AMELY: variants seen among roughly 807,000 people sequenced by gnomAD.
AMELY encodes amelogenin Y-linked.
In AMELY, 4 loss-of-function variants were observed where a neutral mutation model predicts 4.2. The observed-to-expected ratio is 0.96, with a 90% confidence interval of 0.47 to 2.19. The LOEUF is 2.19. Ranked by LOEUF, AMELY falls within the 30% of genes most tolerant of loss-of-function variation. AMELY has a pLI of 0.02. For missense variants in AMELY, 32 were observed against 41.5 expected, an observed-to-expected ratio of 0.77 and a Z score of 0.63; for synonymous variants, 11 against 14.7, an observed-to-expected ratio of 0.75 and a Z score of 0.57.
At chrY:6,885,261 C>A (rs568523496) in intron 1 of AMELY, among the ~76,000 whole-genome samples, 2 of 32,660 alleles carry the variant, frequency 6.1e-5, no homozygotes, top group African/African-American at 2.4e-4. Context: ...GGGCGGATCA[C>A]GAGGTCAGGA....
intron 1 of AMELY, among the ~76,000 whole-genome samples, chrY:6,910,384 C>T (rs762639220): frequency 5.6e-4 from 18 of 31,963 alleles, no homozygotes; most frequent in Non-Finnish European, 1.4e-3. Context: ...GGCCCAGGTT[C>T]CCCTCGCCCA....
At chrY:6,899,729 G>A (rs2054088204) in intron 1 of AMELY, among the ~76,000 whole-genome samples, 1 of 29,635 alleles carries the variant, frequency 3.4e-5, no homozygotes, top group Admixed American at 3.2e-4. Flanking sequence ...ATGAAACTCC[G>A]TCTCAAAAAA....
chrY:6,881,679 T>G, intron 1 of AMELY, among the ~76,000 whole-genome samples: 1 of 33,176 alleles, frequency 3.0e-5, no homozygotes, highest in Non-Finnish European at 7.5e-5. Context: ...ATGACATGAT[T>G]GTATATTTAG....
At chrY:6,884,579 G>T in intron 1 of AMELY, among the ~76,000 whole-genome samples, 13 of 32,525 alleles carry the variant, frequency 4.0e-4, no homozygotes, top group Non-Finnish European at 6.0e-4. Context: ...GTTTTCAAAA[G>T]ACCCATTTTA....
chrY:6,868,391 C>G lies in AMELY; in HGVS notation c.219G>C (p.Gln73His). 2 of 395,594 alleles carry G rather than the reference C, an allele frequency of 5.1e-6. No individual in the cohort carries two copies. The highest frequency in any genetic ancestry group is 7.1e-6 in the Non-Finnish European group (2 of 283,027). ...ACTGCAGGGTGTGAGTCAGGGGGTG[C>G]TGTTGGGACACCACGGGGATGATTT... ...HHQIIPVVSQ[Q>H]HPLTHTLQSH... The change falls in exon 6 of 7, where the codon CAG becomes CAC. Residue 73 changes from glutamine (Q) to histidine (H), a missense_variant. Gln to His is a conservative substitution (Grantham distance 24, BLOSUM62 0). Coordinates refer to ENST00000651267, the MANE Select transcript of AMELY (RefSeq NM_001143.2).
intron 1 of AMELY, among the ~76,000 whole-genome samples, chrY:6,893,586 C>T (rs2054084762): frequency 3.0e-5 from 1 of 32,871 alleles, no homozygotes; most frequent in Admixed American, 2.9e-4. Flanking sequence ...GCTTTGTTTC[C>T]AGAACCTACC....
intron 3 of AMELY, among the ~76,000 whole-genome samples, chrY:6,870,562 T>C: frequency 3.0e-5 from 1 of 33,839 alleles, no homozygotes; most frequent in South Asian, 6.8e-4. Context: ...TGTAAGTATC[T>C]AAGGGATTTC....
At chrY:6,898,909 C>T (rs942698876) in intron 1 of AMELY, among the ~76,000 whole-genome samples, 1 of 34,020 alleles carries the variant, frequency 2.9e-5, no homozygotes, top group Non-Finnish European at 7.3e-5. Context: ...CCACCTCATA[C>T]GTTACTATGA....
At chrY:6,906,355 C>T (rs773244037) in intron 1 of AMELY, among the ~76,000 whole-genome samples, 17 of 33,413 alleles carry the variant, frequency 5.1e-4, no homozygotes, top group African/African-American at 1.8e-3. Flanking sequence ...TGTATATATA[C>T]ACAGAGATGC....
chrY:6,892,171 G>A, intron 1 of AMELY, among the ~76,000 whole-genome samples: 1 of 33,663 alleles, frequency 3.0e-5, no homozygotes, highest in Non-Finnish European at 7.3e-5. Flanking sequence ...AGCAGATTCT[G>A]CAGCATGTGA....
intron 1 of AMELY, among the ~76,000 whole-genome samples, chrY:6,884,557 C>T (rs2054077680): frequency 3.1e-5 from 1 of 32,519 alleles, no homozygotes; most frequent in Non-Finnish European, 7.5e-5. Flanking sequence ...AAGCAAGACC[C>T]AGCAGTATAC....
rs754688390 is a variant in AMELY, at chrY:6,903,943, G to A, written c.-113+7730C>T. ...AATGGTTCCATATTAAGGGCTCAGT[G>A]ATGGTCTCTGCTGCTGGCAAATTGG... is the stretch of plus-strand genomic sequence containing the variant. On this transcript the variant is annotated intron_variant, in intron 1 of 6. Coordinates refer to ENST00000651267, the MANE Select transcript of AMELY (RefSeq NM_001143.2). 1.8e-4 allele frequency among the ~76,000 whole-genome samples: 6 copies of A among 33,889 alleles called. No individual in the cohort carries two copies. The South Asian group carries it at 4.1e-3, about 23-fold the overall frequency. The allele number at this position is 33,889 out of a possible 37,273, so 90.9% of individuals were successfully genotyped here.
At chrY:6,883,368 C>T (rs998508048) in intron 1 of AMELY, among the ~76,000 whole-genome samples, 12 of 32,729 alleles carry the variant, frequency 3.7e-4, no homozygotes, top group Admixed American at 2.3e-3. Flanking sequence ...ATTGCATGTT[C>T]TCACACATAA....
chrY:6,870,203 T>C, intron 3 of AMELY, 150 bp from the exon 4 acceptor site: 1 of 166,906 alleles, frequency 6.0e-6, no homozygotes, highest in Non-Finnish European at 1.1e-5. Context: ...TAGTACAGAA[T>C]ATATTTGAGG....
At chrY:6,910,745 G>T (rs2011684103) in intron 1 of AMELY, 3 of 55,483 alleles carry the variant, frequency 5.4e-5, no homozygotes, top group African/African-American at 1.1e-4. Context: ...CTCCGCTGCT[G>T]CCGCCACCGC....
chrY:6,905,553 TTTC>T, intron 1 of AMELY, among the ~76,000 whole-genome samples: 1 of 26,917 alleles, frequency 3.7e-5, no homozygotes, highest in Non-Finnish European at 8.7e-5. Context: ...TCCTTCTTTC[TTTC>T]TTCCTCTTTC....
intron 1 of AMELY, among the ~76,000 whole-genome samples, chrY:6,884,845 G>C: frequency 3.0e-5 from 1 of 33,076 alleles, no homozygotes. Flanking sequence ...TCTGACAATG[G>C]TCTAATATTT....
intron 1 of AMELY, among the ~76,000 whole-genome samples, chrY:6,895,671 G>A (rs2054085710): frequency 5.9e-5 from 2 of 33,895 alleles, no homozygotes; most frequent in South Asian, 1.3e-3. Context: ...TTGTAGCATA[G>A]TTTGAAGTCA....
intron 1 of AMELY, among the ~76,000 whole-genome samples, chrY:6,892,166 A>T: frequency 1.2e-4 from 4 of 33,646 alleles, no homozygotes; most frequent in Non-Finnish European, 2.2e-4. Context: ...CAGACAGCAG[A>T]TTCTGCAGCA....
Sources: gnomAD v4.1 joint callset for allele counts (sites outside exome capture counted in the v4.1 genomes callset) on GRCh38, gnomAD v4.1.1 for gene constraint, MANE v1.5 for transcripts, NCBI Gene and HGNC (gene_info 2026-07-23, HGNC 2026-07-21) for gene names.